The following NCKAP5 variants were observed in gnomAD, a reference collection of about 807,000 sequenced individuals.
NCKAP5 encodes NCK associated protein 5.
In NCKAP5, 92 loss-of-function variants were observed where a neutral mutation model predicts 167.0. The observed-to-expected ratio is 0.55, with a 90% confidence interval of 0.47 to 0.66. NCKAP5 has a LOEUF of 0.66. Ranked by LOEUF, NCKAP5 falls within the 30% of genes least tolerant of loss-of-function variation. NCKAP5 has a pLI of 0.00. For missense variants in NCKAP5, 2,378 were observed against 2,315.0 expected (o/e 1.03, Z -0.56); for synonymous variants, 891 against 877.4 (o/e 1.02, Z -0.27).
At chr2:133,329,196 A>G (rs374451709) in intron 3 of NCKAP5, among the ~76,000 whole-genome samples, 1 of 152,194 alleles carries the variant, frequency 6.6e-6, no homozygotes, top group East Asian at 1.9e-4. Context: ...GCAGCCATCC[A>G]GATCTGGGTC....
At chr2:133,483,361 T>C (rs1262821200) in intron 3 of NCKAP5, among the ~76,000 whole-genome samples, 1 of 152,166 alleles carries the variant, frequency 6.6e-6, no homozygotes, top group Non-Finnish European at 1.5e-5. Context: ...TCTAAAGAAT[T>C]GTTGAAACAA....
chr2:133,297,253 C>T (rs759033486), intron 4 of NCKAP5, among the ~76,000 whole-genome samples: 11 of 150,950 alleles, frequency 7.3e-5, no homozygotes, highest in Admixed American at 2.0e-4. Context: ...AAACTCACCC[C>T]GACTTATGCT....
chr2:132,673,296 G>C lies in NCKAP5; in HGVS notation c.5723C>G (p.Thr1908Arg). 1.3e-6 allele frequency: 2 copies of C among 1,488,838 alleles called. No homozygotes were observed. The highest frequency in any genetic ancestry group is 1.8e-6 in the Non-Finnish European group (2 of 1,107,940). 92.2% of individuals were successfully genotyped at this position (1,488,838 alleles called of 1,614,324 possible). Residue 1908 changes from threonine (T) to arginine (R), a missense_variant, in exon 20 of 20, where the codon ACA becomes AGA. Coordinates refer to ENST00000409261, the MANE Select transcript of NCKAP5 (RefSeq NM_207363.3). ...GGATCGTCTTTTGTTTCTTCAAGTTGTCTCAATTTCTGCAATAAAAAGAAG... is the reference window on the plus strand; with the variant it reads ...GGATCGTCTTTTGTTTCTTCAAGTTCTCTCAATTTCTGCAATAAAAAGAAG... ...ALKSAAPEIE[T>R]T
intron 6 of NCKAP5, among the ~76,000 whole-genome samples, chr2:133,095,276 C>T (rs1239651364): frequency 1.3e-5 from 2 of 152,164 alleles, no homozygotes; most frequent in African/African-American, 4.8e-5. Flanking sequence ...TGAACTGTTC[C>T]ATAGTATTCC....
At chr2:133,415,781 C>T (rs1689074079) in intron 3 of NCKAP5, among the ~76,000 whole-genome samples, 1 of 152,214 alleles carries the variant, frequency 6.6e-6, no homozygotes. Context: ...ATCAAAGTCT[C>T]TCTTTGTGAG....
chr2:133,230,076 AAAG>A (rs1207386560), intron 4 of NCKAP5, among the ~76,000 whole-genome samples: 1 of 152,184 alleles, frequency 6.6e-6, no homozygotes, highest in African/African-American at 2.4e-5. Context: ...ATCATGGATA[AAAG>A]AAGCACACAT....
intron 5 of NCKAP5, among the ~76,000 whole-genome samples, chr2:133,202,975 A>G (rs1426780499): frequency 6.6e-6 from 1 of 151,770 alleles, no homozygotes; most frequent in African/African-American, 2.4e-5. Flanking sequence ...TGTGGAAGAC[A>G]GTGTGGCAAT....
At chr2:133,047,178 T>C (rs1218200505) in intron 6 of NCKAP5, among the ~76,000 whole-genome samples, 1 of 152,080 alleles carries the variant, frequency 6.6e-6, no homozygotes, top group African/African-American at 2.4e-5. Flanking sequence ...ATGCCTGCTA[T>C]GTGAACACAA....
intron 7 of NCKAP5, among the ~76,000 whole-genome samples, chr2:132,978,040 C>CAGATGATTCATCTTGGTG (rs1271024661): frequency 6.6e-6 from 1 of 152,110 alleles, no homozygotes; most frequent in African/African-American, 2.4e-5. Context: ...GTAATCCTGC[C>CAGATGATTCATCTTGGTG]AGATGATTCA....
At position 132,673,114 on chromosome 2, in the gene NCKAP5, A is replaced by G. The variant is rs1683950980; in HGVS notation, c.*175T>C. ...ATTCCAAGTTGTCTACCCCAGGCCT[A>G]TCTGAACTACTCAAAGATGTCTCTT... On this transcript the variant is annotated 3_prime_UTR_variant, in exon 20 of 20. Coordinates refer to ENST00000409261, the MANE Select transcript of NCKAP5 (RefSeq NM_207363.3). 6.8e-6 allele frequency: 9 copies of G among 1,314,436 alleles called. No individual in the cohort carries two copies. The highest frequency in any genetic ancestry group is 8.7e-6 in the Non-Finnish European group (9 of 1,035,428). 81.4% of individuals were successfully genotyped at this position (1,314,436 alleles called of 1,614,324 possible).
At chr2:133,125,301 T>C (rs577861813) in intron 6 of NCKAP5, among the ~76,000 whole-genome samples, 1 of 151,334 alleles carries the variant, frequency 6.6e-6, no homozygotes, top group Non-Finnish European at 1.5e-5. Flanking sequence ...CTCAAAGTGC[T>C]CCTCTAGGTG....
At chr2:133,536,875 A>G (rs1685805886) in intron 2 of NCKAP5, among the ~76,000 whole-genome samples, 1 of 151,854 alleles carries the variant, frequency 6.6e-6, no homozygotes, top group African/African-American at 2.4e-5. Context: ...ATCTGAAACT[A>G]TTGCTTAATC....
intron 8 of NCKAP5, among the ~76,000 whole-genome samples, chr2:132,885,267 T>C (rs985625237): frequency 3.9e-5 from 6 of 152,042 alleles, no homozygotes; most frequent in African/African-American, 1.2e-4. Context: ...AATATTTATA[T>C]AGCAGGAATG....
At chr2:133,133,553 T>C (rs2082683914) in intron 5 of NCKAP5, among the ~76,000 whole-genome samples, 1 of 152,228 alleles carries the variant, frequency 6.6e-6, no homozygotes, top group South Asian at 2.1e-4. Flanking sequence ...TCACAGGCTC[T>C]TCTTTCCCTT....
intron 8 of NCKAP5, among the ~76,000 whole-genome samples, chr2:132,887,637 G>A (rs1277389906): frequency 6.6e-6 from 1 of 152,070 alleles, no homozygotes; most frequent in Non-Finnish European, 1.5e-5. Context: ...CTCTAGCATG[G>A]AATATGCTTT....
the NCKAP5 span, among the ~76,000 whole-genome samples, chr2:133,643,568 C>T: frequency 5.3e-4 from 80 of 152,220 alleles, no homozygotes; most frequent in African/African-American, 1.9e-3. Context: ...TTGCCAATGC[C>T]CAGGTTCAGC....
At chr2:133,308,917 A>G (rs1487916903) in intron 3 of NCKAP5, among the ~76,000 whole-genome samples, 1 of 150,614 alleles carries the variant, frequency 6.6e-6, no homozygotes, top group East Asian at 2.0e-4. Context: ...TCACCTTGTT[A>G]GCCAGGATGG....
chr2:132,944,913 C>T (rs1041449319), intron 8 of NCKAP5, among the ~76,000 whole-genome samples: 1 of 152,094 alleles, frequency 6.6e-6, no homozygotes, highest in Non-Finnish European at 1.5e-5. Context: ...GAAGACCTTA[C>T]CCAGGCAGCA....
intron 9 of NCKAP5, among the ~76,000 whole-genome samples, chr2:132,878,099 G>C (rs984524464): frequency 6.6e-6 from 1 of 152,174 alleles, no homozygotes; most frequent in African/African-American, 2.4e-5. Flanking sequence ...GTGGCAGGGA[G>C]AGACAGGATG....
Sources: allele counts gnomAD v4.1 joint callset (sites outside exome capture counted in the v4.1 genomes callset), GRCh38; gene constraint gnomAD v4.1.1; transcripts MANE v1.5; gene names NCBI Gene and HGNC (gene_info 2026-07-23, HGNC 2026-07-21).